KIF26B: variants seen among roughly 807,000 people sequenced by gnomAD.
The protein encoded by KIF26B is kinesin-like protein KIF26B.
A neutral mutation model predicts 151.2 loss-of-function variants in KIF26B; 63 were observed. That is an observed-to-expected ratio of 0.42 (90% confidence interval 0.34 to 0.51). The LOEUF (loss-of-function observed/expected upper bound fraction) is 0.51, where lower values mean the gene tolerates loss of function less well. Among genes scored for constraint, KIF26B ranks in the 20% least tolerant of loss-of-function variants. The pLI, the probability that KIF26B is intolerant of heterozygous loss-of-function variation, is 0.07. For synonymous variants in KIF26B, 1,357 were observed against 1,262.1 expected, an observed-to-expected ratio of 1.08 and a Z score of -1.59; for missense variants, 2,813 against 2,913.6, an observed-to-expected ratio of 0.97 and a Z score of 0.79.
Position 245,341,570 on chromosome 1 carries a change from C to A in KIF26B, c.466-25264C>A, listed in dbSNP as rs145965952. ...CTCCTGGGCTCAAGTGATCCTCCCC[C>A]CTTGGCGTCCCAAAGTGCTGGGATT... On this transcript the variant is annotated intron_variant, in intron 2 of 14. Transcript: ENST00000407071. Among the ~76,000 whole-genome samples, 32 of 152,240 alleles carry A rather than the reference C, an allele frequency of 2.1e-4. No homozygotes were observed. The South Asian group carries it at 4.2e-3, about 20-fold the overall frequency.
chr1:245,219,562 A>G (rs1669722496), intron 2 of KIF26B, among the ~76,000 whole-genome samples: 1 of 151,874 alleles, frequency 6.6e-6, no homozygotes, highest in Non-Finnish European at 1.5e-5. Flanking sequence ...GAGAAACTCC[A>G]TCTCTACAAA....
At chr1:245,283,319 T>A (rs1388340937) in intron 2 of KIF26B, among the ~76,000 whole-genome samples, 1 of 151,624 alleles carries the variant, frequency 6.6e-6, no homozygotes, top group African/African-American at 2.4e-5. Context: ...CCCAACCACC[T>A]CAAGCCCAAT....
Position 245,155,483 on chromosome 1 carries a change from AC to A in KIF26B, c.60del (p.Tyr20Ter). On this transcript the variant is annotated frameshift_variant, in exon 1 of 15. Coordinates refer to ENST00000407071, the MANE Select transcript of KIF26B (RefSeq NM_018012.4). LOFTEE classifies it high-confidence loss of function. ...GCGGTCTCCACCAGGGGCAAGAAAT[AC>A]GGGGTAAGTTGTGACGGTACGACGC... ...RLAVSTRGKK[Y>X]GVNEVCSPTK... 6.2e-7 allele frequency: 1 copy of A among 1,611,086 alleles called. No individual in the cohort carries two copies. Among genetic ancestry groups the A allele is most frequent in the Non-Finnish European group, 8.5e-7 (1 of 1,178,260 alleles).
At chr1:245,431,307 T>C (rs1205770163) in intron 4 of KIF26B, among the ~76,000 whole-genome samples, 4 of 150,000 alleles carry the variant, frequency 2.7e-5, no homozygotes, top group Non-Finnish European at 5.9e-5. Context: ...GCCTCCTGAG[T>C]AGCTAGGACT....
intron 4 of KIF26B, among the ~76,000 whole-genome samples, chr1:245,420,308 A>C (rs1384216621): frequency 6.6e-6 from 1 of 152,254 alleles, no homozygotes; most frequent in Non-Finnish European, 1.5e-5. Context: ...AGGTATTTCA[A>C]CAATGTTTTC....
intron 2 of KIF26B, among the ~76,000 whole-genome samples, chr1:245,184,139 G>A (rs530567353): frequency 7.0e-6 from 1 of 142,706 alleles, no homozygotes; most frequent in Admixed American, 7.5e-5. Context: ...CTGGGAAAGT[G>A]GGGGGAAGTG....
At chr1:245,235,296 C>T (rs1409245755) in intron 2 of KIF26B, among the ~76,000 whole-genome samples, 7 of 152,016 alleles carry the variant, frequency 4.6e-5, no homozygotes, top group Non-Finnish European at 7.4e-5. Context: ...TTTAAATTTC[C>T]GTTAAGACAT....
At position 245,161,536 on chromosome 1, in the gene KIF26B, G is replaced by A. The variant is rs114150416; in HGVS notation, c.465+4853G>A. 2.1e-3 allele frequency among the ~76,000 whole-genome samples: 327 copies of A among 152,280 alleles called. 1 individual carries two copies. The highest frequency in any genetic ancestry group is 7.7e-3 in the African/African-American group (318 of 41,548). ...GTTATTTGGCATTATATCACAGATT[G>A]TACCATGAGTGGGCCAACAATAGCG... is the stretch of plus-strand genomic sequence containing the variant. On this transcript the variant is annotated intron_variant, in intron 2 of 14. Transcript: ENST00000407071.
intron 2 of KIF26B, among the ~76,000 whole-genome samples, chr1:245,272,965 G>A (rs1206997617): frequency 1.3e-5 from 2 of 152,102 alleles, no homozygotes; most frequent in Non-Finnish European, 2.9e-5. Flanking sequence ...AATGTTCTGT[G>A]TGTACTTGAA....
intron 5 of KIF26B, among the ~76,000 whole-genome samples, chr1:245,565,174 G>A (rs757235131): frequency 1.3e-5 from 2 of 152,136 alleles, no homozygotes; most frequent in African/African-American, 2.4e-5. Context: ...TAGTTTTTGG[G>A]AATTTACTAT....
chr1:245,592,003 C>T (rs1000715878), intron 5 of KIF26B, among the ~76,000 whole-genome samples: 3 of 152,162 alleles, frequency 2.0e-5, no homozygotes, highest in Non-Finnish European at 4.4e-5. Flanking sequence ...GTGACAGACT[C>T]GTGTTGATGA....
chr1:245,370,215 T>C (rs1673079402), intron 3 of KIF26B, among the ~76,000 whole-genome samples: 1 of 152,180 alleles, frequency 6.6e-6, no homozygotes. Flanking sequence ...TGACCTGCAG[T>C]TCACTTAATA....
chr1:245,670,245 CATATATATATATATATATAT>C (rs10584392), intron 10 of KIF26B, among the ~76,000 whole-genome samples: 6,478 of 134,750 alleles, frequency 0.048, 467 homozygotes, highest in African/African-American at 0.14. Context: ...TGTGTATATC[CATATATATATATATATATAT>C]ATATATATAT....
chr1:245,415,788 C>CTT (rs781545952), intron 3 of KIF26B, among the ~76,000 whole-genome samples: 5 of 137,978 alleles, frequency 3.6e-5, no homozygotes, highest in African/African-American at 5.3e-5. Flanking sequence ...TCAGCATCTA[C>CTT]TTTTTTTTTT....
chr1:245,249,727 C>T (rs1670407942), intron 2 of KIF26B, among the ~76,000 whole-genome samples: 1 of 152,120 alleles, frequency 6.6e-6, no homozygotes, highest in African/African-American at 2.4e-5. Flanking sequence ...AAGTGATCTA[C>T]CTTCCTAGGC....
Position 245,686,779 on chromosome 1 carries a change from G to A in KIF26B, c.3796G>A (p.Glu1266Lys), listed in dbSNP as rs537184341. 6 of 1,613,496 alleles carry A rather than the reference G, an allele frequency of 3.7e-6. No homozygotes were observed. Among genetic ancestry groups the A allele is most frequent in the African/African-American group, 1.3e-5 (1 of 75,010 alleles). ...GCCCCTCCCGAAGATGAGCCTGGAT[G>A]AGAAGGCCCAGGACGCAGGGAGCAG... ...FLPLPKMSLD[E>K]KAQDAGSRRS... The change falls in exon 12 of 15, where the codon GAG becomes AAG. Residue 1266 changes from glutamate to lysine, a missense_variant. By Grantham distance (56) the Glu-to-Lys change is moderately conservative. Around this residue, in one of 3 missense-constraint regions of KIF26B, gnomAD observed 2,060 missense variants for 2,088.6 expected, o/e 0.99. Coordinates refer to ENST00000407071, the MANE Select transcript of KIF26B (RefSeq NM_018012.4). This position sits in a 1 kb window ranked among gnomAD's most constrained non-coding sequence, Gnocchi z 5.6.
At chr1:245,413,888 C>A (rs1265640054) in intron 3 of KIF26B, among the ~76,000 whole-genome samples, 1 of 152,200 alleles carries the variant, frequency 6.6e-6, no homozygotes, top group Non-Finnish European at 1.5e-5. Flanking sequence ...AGCATCCCAA[C>A]CGTGGCTCCT....
intron 2 of KIF26B, among the ~76,000 whole-genome samples, chr1:245,228,571 A>G (rs1402543220): frequency 6.6e-6 from 1 of 152,164 alleles, no homozygotes; most frequent in Admixed American, 6.5e-5. Context: ...CCATCTCAAA[A>G]AAAAAAAAAC....
At chr1:245,646,333 G>A (rs752022407) in intron 10 of KIF26B, 53 bp downstream of exon 10, 4 of 1,577,016 alleles carry the variant, frequency 2.5e-6, no homozygotes, top group Middle Eastern at 1.9e-4. Flanking sequence ...GGTGTGGGAC[G>A]CTTTGTTCAG....
Sources: gnomAD v4.1 joint callset for allele counts (sites outside exome capture counted in the v4.1 genomes callset) on GRCh38, gnomAD v4.1.1 for gene constraint, gnomAD v4.1.1 regional missense constraint, Gnocchi (gnomAD v3.1) non-coding constraint, MANE v1.5 for transcripts, NCBI Gene and HGNC (gene_info 2026-07-23, HGNC 2026-07-21) for gene names.